Variants in CDHR4 observed in about 807,000 individuals in gnomAD.
CDHR4 encodes cadherin-related family member 4.
A neutral mutation model predicts 88.4 loss-of-function variants in CDHR4; 89 were observed. The ratio of observed to expected loss-of-function variants is 1.01; its 90% CI spans 0.85 to 1.20. The LOEUF is 1.20. Among genes scored for constraint, CDHR4 ranks in the 50% most tolerant of loss-of-function variants. CDHR4 has a pLI of 0.00. For synonymous variants in CDHR4, 368 were observed against 399.2 expected (o/e 0.92, Z 0.93); for missense variants, 914 against 1,007.2 (o/e 0.91, Z 1.25).
intron 5 of CDHR4, among the ~76,000 whole-genome samples, chr3:49,796,611 T>C (rs1359454612): frequency 6.6e-6 from 1 of 152,234 alleles, no homozygotes; most frequent in Non-Finnish European, 1.5e-5. Flanking sequence ...GTGCTAGGAT[T>C]ATGTGGGTGA....
At position 49,795,693 on chromosome 3, in the gene CDHR4, C is replaced by T. The variant is rs375725379; in HGVS notation, c.782G>A (p.Arg261Gln). Reference sequence around the variant, plus strand: ...GATTTCATAGCGCAGGTCGACACCCCGGGCCTGGACCTGAACCACCTCACT... The same window carrying T: ...GATTTCATAGCGCAGGTCGACACCCTGGGCCTGGACCTGAACCACCTCACT... ...PGSEVVQVQA[R>Q]GVDLRYEILS... Residue 261 changes from arginine to glutamine, a missense_variant, in exon 7 of 19, where the codon CGG becomes CAG. Arg to Gln is a conservative substitution (Grantham distance 43). Coordinates refer to ENST00000412678, the MANE Select transcript of CDHR4 (RefSeq NM_001007540.4). The surrounding 1 kb of genome is among the most constrained non-coding windows in gnomAD (Gnocchi z 5.4). The T allele has an allele frequency of 2.8e-4, 427 of 1,551,684 alleles. 2 individuals are homozygous for T. In the Middle Eastern group the frequency reaches 6.3e-3, roughly 23 times the overall value.
chr3:49,796,936 C>T lies in CDHR4; in HGVS notation c.592G>A (p.Gly198Ser). 6.4e-7 allele frequency: 1 copy of T among 1,551,486 alleles called. No individual in the cohort carries two copies. The highest frequency in any genetic ancestry group is 1.7e-4 in the Middle Eastern group (1 of 5,988). ...GTCATGCTCACCTTTTGAGCCTGGC[C>T]TAGGAGGCCCTGGGATGGTGCCTGC... The part of the protein sequence containing the change: ...WLQAPSQGLL[G>S]QAQKVFQLQI... Residue 198 changes from glycine (G) to serine (S), a missense_variant, in exon 5 of 19, where the codon GGC (glycine) becomes AGC (serine). By Grantham distance (56) the Gly-to-Ser change is moderately conservative. Coordinates refer to ENST00000412678, the MANE Select transcript of CDHR4 (RefSeq NM_001007540.4).
rs117794954 is a variant in CDHR4 at position 49,794,633 on chromosome 3, G to A, written c.1254C>T (p.Leu418=). 5.8e-6 allele frequency: 9 copies of A among 1,551,018 alleles called. 1 individual carries two copies. The highest frequency in any genetic ancestry group is 3.6e-5 in the South Asian group (3 of 83,964). The change falls in exon 10 of 19, where the codon CTC becomes CTT. Residue 418 remains leucine, a synonymous_variant. Transcript: ENST00000412678. ...TGGTCATCTGGGGCTGGCCACCATCGAGCACCAGGATGGAGGCTGCATGCT... is the reference window on the plus strand; with the variant it reads ...TGGTCATCTGGGGCTGGCCACCATCAAGCACCAGGATGGAGGCTGCATGCT... ...CFQHAASILV[L]DGGQPQMTTE... is the part of the protein sequence containing the mutation.
At position 49,792,494 on chromosome 3, in the gene CDHR4, GC is replaced by G; in HGVS notation, c.2111del (p.Gly704AlafsTer27). 6.4e-7 allele frequency: 1 copy of G among 1,551,710 alleles called. No homozygotes were observed. The highest frequency in any genetic ancestry group is 8.7e-7 in the Non-Finnish European group (1 of 1,146,994). On this transcript the variant is annotated frameshift_variant, in exon 15 of 19. Coordinates refer to ENST00000412678, the MANE Select transcript of CDHR4 (RefSeq NM_001007540.4). LOFTEE classifies it high-confidence loss of function. ...ATGALLLLAL[G>X]WLLGRLLQGL... ...CCTGGAGGAGCCTGCCAAGAAGCCA[GC>G]CTAGGGCCAAGAGGAGAAGAGCACC...
Position 49,791,310 on chromosome 3 carries a change from C to T in CDHR4, c.2311+131G>A, listed in dbSNP as rs150556158. ...AGCGGGGATGAGAGCAGACCCCATT[C>T]AGGAAAAAAGCAGATAGATGGTGGG... is the stretch of plus-strand genomic sequence containing the variant. On this transcript the variant is annotated intron_variant, in intron 18 of 18. Coordinates refer to ENST00000412678, the MANE Select transcript of CDHR4 (RefSeq NM_001007540.4). 73 of 1,009,782 alleles carry T rather than the reference C, an allele frequency of 7.2e-5. No homozygotes were observed. In the East Asian group the frequency reaches 1.3e-3, roughly 17 times the overall value. The allele number at this position is 1,009,782 out of a possible 1,614,324, so 62.6% of individuals were successfully genotyped here. A position where few individuals can be genotyped will look rare whatever the true frequency, so the allele number is the denominator to read the frequency against.
intron 5 of CDHR4, 63 bp downstream of exon 5, chr3:49,796,859 A>T: frequency 7.4e-7 from 1 of 1,356,580 alleles, no homozygotes; most frequent in Non-Finnish European, 1.0e-6. Flanking sequence ...GAATAAACAA[A>T]TTTCTAAAAG....
At chr3:49,792,637 C>G (rs373798836) in intron 14 of CDHR4, 27 bp from the exon 15 acceptor site, 1 of 1,550,540 alleles carries the variant, frequency 6.4e-7, no homozygotes, top group African/African-American at 1.4e-5. Flanking sequence ...AGCCTCACCA[C>G]TGCCTTGCCA....
At chr3:49,792,000 G>A (rs2081186946) in intron 15 of CDHR4, 41 bp from the exon 16 acceptor site, 3 of 1,543,224 alleles carry the variant, frequency 1.9e-6, no homozygotes, top group Admixed American at 3.9e-5. Flanking sequence ...GAGGGCAGCA[G>A]GCCTACTGGC....
intron 10 of CDHR4, among the ~76,000 whole-genome samples, chr3:49,794,323 G>T (rs1048840227): frequency 2.0e-5 from 3 of 152,038 alleles, no homozygotes; most frequent in African/African-American, 7.2e-5. Flanking sequence ...GCGTGAACCC[G>T]GGAGGCAGAG....
At chr3:49,799,464 G>A (rs1271600319) in intron 1 of CDHR4, 27 bp from the exon 2 acceptor site, 1 of 1,564,334 alleles carries the variant, frequency 6.4e-7, no homozygotes, top group African/African-American at 1.4e-5. Context: ...ATTCAGGCTG[G>A]AGGCCCCCAG....
In CDHR4 at chr3:49,799,436, G is replaced by T. The variant is rs781768606; in HGVS notation, c.51C>A (p.Asp17Glu). The T allele has an allele frequency of 2.4e-5, 39 of 1,591,938 alleles. No homozygotes were observed. The highest frequency in any genetic ancestry group is 1.0e-4 in the South Asian group (9 of 87,974). ...LVFLFAPVVS[D>E]LCSLPCFINV... Reference sequence around the variant, plus strand: ...TTATAAAGCAGGGCAGGCTGCAGAGGTCTGTGAAGAGCAGAGAATTCAGGC... The same window carrying T: ...TTATAAAGCAGGGCAGGCTGCAGAGTTCTGTGAAGAGCAGAGAATTCAGGC... Residue 17 changes from aspartate (D) to glutamate (E), a missense_variant and splice_region_variant, in exon 2 of 19, where the codon GAC becomes GAA. Coordinates refer to ENST00000412678, the MANE Select transcript of CDHR4 (RefSeq NM_001007540.4).
intron 10 of CDHR4, 115 bp downstream of exon 10, chr3:49,794,493 G>A: frequency 1.2e-6 from 1 of 816,100 alleles, no homozygotes; most frequent in Non-Finnish European, 1.9e-6. Context: ...CTGAAATGGT[G>A]ACAACCCTGC....
intron 4 of CDHR4, among the ~76,000 whole-genome samples, chr3:49,797,639 G>A (rs976447109): frequency 2.6e-5 from 4 of 151,448 alleles, no homozygotes; most frequent in Non-Finnish European, 5.9e-5. Flanking sequence ...CCGCCACCAC[G>A]CCTGGCTAAT....
At position 49,792,936 on chromosome 3, in the gene CDHR4, T is replaced by G. The variant is rs1261496650; in HGVS notation, c.1913A>C (p.His638Pro). The G allele has an allele frequency of 1.3e-6, 2 of 1,551,122 alleles. No homozygotes were observed. Among genetic ancestry groups the G allele is most frequent in the African/African-American group, 1.4e-5 (1 of 72,900 alleles). ...CVADAGPSTP[H>P]LSTTATIIVH... ...AATAATGGTGGCTGTGGTGCTGAGG[T>G]GGGGGGTGGAGGGGCCTGCATCGGC... Residue 638 changes from histidine to proline, a missense_variant, in exon 14 of 19, where the codon CAC (histidine) becomes CCC (proline). His to Pro is a moderately conservative substitution (Grantham distance 77). Coordinates refer to ENST00000412678, the MANE Select transcript of CDHR4 (RefSeq NM_001007540.4).
intron 14 of CDHR4, 81 bp downstream of exon 14, chr3:49,792,773 G>C: frequency 6.9e-7 from 1 of 1,459,122 alleles, no homozygotes; most frequent in Non-Finnish European, 9.2e-7. Flanking sequence ...CTTCCCCATA[G>C]TTCCACCTGA....
Position 49,793,654 on chromosome 3 carries a change from T to C in CDHR4, c.1552A>G (p.Ile518Val), listed in dbSNP as rs1046316339. 2.6e-6 allele frequency: 4 copies of C among 1,551,748 alleles called. No homozygotes were observed. Among genetic ancestry groups the C allele is most frequent in the Non-Finnish European group, 3.5e-6 (4 of 1,146,998 alleles). The change falls in exon 12 of 19, where the codon ATT becomes GTT. Residue 518 changes from isoleucine (I) to valine (V), a missense_variant. Coordinates refer to ENST00000412678, the MANE Select transcript of CDHR4 (RefSeq NM_001007540.4). The stretch of plus-strand genomic sequence containing the variant: ...GGGTTCTGGTCTTGGCCATGGTCAA[T>C]CACAAGGACAGTGAGCCTGTACAGC... ...QRLYRLTVLVIDHGQDQNPNH... is the reference protein window; with the variant it reads ...QRLYRLTVLVVDHGQDQNPNH...
chr3:49,792,809 G>T (rs2081200941), intron 14 of CDHR4, 45 bp downstream of exon 14: 2 of 1,495,058 alleles, frequency 1.3e-6, no homozygotes, highest in Admixed American at 2.2e-5. Context: ...CACTCTCCAA[G>T]GTCCACCCTT....
At chr3:49,794,039 TG>T in intron 10 of CDHR4, 33 bp from the exon 11 acceptor site, 1 of 1,545,658 alleles carries the variant, frequency 6.5e-7, no homozygotes, top group Non-Finnish European at 8.7e-7. Context: ...GGAGCTGGCC[TG>T]GGGTAACTAT....
intron 4 of CDHR4, 149 bp from the exon 5 acceptor site, chr3:49,797,181 TTC>T: frequency 1.7e-6 from 1 of 581,910 alleles, no homozygotes; most frequent in Non-Finnish European, 3.1e-6. Context: ...CTTTCTTTCC[TTC>T]TCTCTCCTTC....
Sources: allele counts gnomAD v4.1 joint callset (sites outside exome capture counted in the v4.1 genomes callset), GRCh38; gene constraint gnomAD v4.1.1; non-coding constraint Gnocchi (gnomAD v3.1); transcripts MANE v1.5; gene names NCBI Gene and HGNC (gene_info 2026-07-23, HGNC 2026-07-21).